TMEM181: variants seen among roughly 807,000 people sequenced by gnomAD.
TMEM181 encodes the protein transmembrane protein 181.
TMEM181 carries 39 observed loss-of-function variants against 71.9 expected under a neutral mutation model. That is an observed-to-expected ratio of 0.54 (90% CI 0.42 to 0.71). The LOEUF is 0.71. TMEM181 is among the 30% of genes least tolerant of loss of function. The probability of loss-of-function intolerance (pLI) is 0.00; values close to 1 mark genes in which losing one functional copy is unlikely to be tolerated. For synonymous variants in TMEM181, 245 were observed against 228.8 expected (o/e 1.07, Z -0.64); for missense variants, 595 against 583.0 (o/e 1.02, Z -0.21).
upstream of TMEM181, among the ~76,000 whole-genome samples, chr6:158,557,316 G>C (rs971418814): frequency 6.6e-6 from 1 of 151,534 alleles, no homozygotes; most frequent in African/African-American, 2.4e-5. Context: ...AGGCTGCAGT[G>C]AGCCGAGATT....
At chr6:158,540,433 A>C (rs1292578009) in intron 1 of TMEM181, among the ~76,000 whole-genome samples, 2 of 152,248 alleles carry the variant, frequency 1.3e-5, no homozygotes, top group Non-Finnish European at 2.9e-5. Context: ...TCCTAACAGC[A>C]CAGGTTGTAA....
upstream of TMEM181, among the ~76,000 whole-genome samples, chr6:158,555,462 G>A (rs900031134): frequency 6.6e-6 from 1 of 152,178 alleles, no homozygotes. Flanking sequence ...GCCATAAGCA[G>A]TGAGTTTTAT....
In TMEM181 at chr6:158,605,307, G is replaced by A. The variant is rs1328705321; in HGVS notation, c.533G>A (p.Trp178Ter). The change falls in exon 7 of 17, where the codon TGG becomes TAG. Residue 178 changes from tryptophan (W) to a stop codon, truncating the protein, a stop_gained. Coordinates refer to ENST00000684151, the MANE Select transcript of TMEM181 (RefSeq NM_001376852.1). LOFTEE classifies it high-confidence loss of function. ...YNPAFSRLEI[W>*]FRFFFVVLTF... Reference sequence around the variant, plus strand: ...CCTGCCTTCTCCCGGTTGGAAATCTGGTTCCGGTTTTTCTTTGTGGTGCTC... The same window carrying A: ...CCTGCCTTCTCCCGGTTGGAAATCTAGTTCCGGTTTTTCTTTGTGGTGCTC... 6.2e-7 allele frequency: 1 copy of A among 1,613,850 alleles called. No individual in the cohort carries two copies. Among genetic ancestry groups the A allele is most frequent in the African/African-American group, 1.3e-5 (1 of 74,856 alleles).
At chr6:158,586,378 C>G (rs1011527938) in intron 5 of TMEM181, among the ~76,000 whole-genome samples, 4 of 152,198 alleles carry the variant, frequency 2.6e-5, no homozygotes, top group African/African-American at 9.7e-5. Flanking sequence ...CAAGTAGTTT[C>G]TCTGCTGGGT....
At chr6:158,590,873 C>T (rs1477414333) in intron 6 of TMEM181, among the ~76,000 whole-genome samples, 1 of 152,238 alleles carries the variant, frequency 6.6e-6, no homozygotes, top group Non-Finnish European at 1.5e-5. Context: ...CCCTCCCCCA[C>T]AGTCCTTGGC....
intron 1 of TMEM181, among the ~76,000 whole-genome samples, chr6:158,541,149 C>G (rs530046570): frequency 6.6e-6 from 1 of 152,210 alleles, no homozygotes; most frequent in Admixed American, 6.5e-5. Flanking sequence ...GGTGTGGTGG[C>G]TCATGCCTGT....
rs61457107 is a variant in TMEM181 at position 158,600,458 on chromosome 6, A to ATTTTTTTTTTTTT, written c.493-4793_493-4781dup. Among the ~76,000 whole-genome samples, 20 of 91,870 alleles carry ATTTTTTTTTTTTT rather than the reference A, an allele frequency of 2.2e-4. 2 individuals carry two copies. The highest frequency in any genetic ancestry group is 4.1e-4 in the African/African-American group (10 of 24,274). The allele number at this position is 91,870 out of a possible 152,430, so 60.3% of individuals were successfully genotyped here. ...AGTCACCGTGCCTGGCCTAGGGTTA[A>ATTTTTTTTTTTTT]TTTTTTTTTTTTTTTTTTTTTTTTT... is the stretch of plus-strand genomic sequence containing the variant. On this transcript the variant is annotated intron_variant, in intron 6 of 16. Transcript: ENST00000684151.
intron 4 of TMEM181, among the ~76,000 whole-genome samples, 200 bp from the exon 5 acceptor site, chr6:158,585,104 C>G (rs890540381): frequency 6.6e-6 from 1 of 152,102 alleles, no homozygotes; most frequent in Non-Finnish European, 1.5e-5. Flanking sequence ...CATAGACCCC[C>G]TGGGTGCTGG....
chr6:158,547,369 T>TA (rs1163745621), intron 1 of TMEM181, among the ~76,000 whole-genome samples: 6 of 152,236 alleles, frequency 3.9e-5, no homozygotes, highest in African/African-American at 7.2e-5. Context: ...GCACTGGGTT[T>TA]TTTTTAAAGC....
At chr6:158,562,098 C>T (rs1032996347) in intron 1 of TMEM181, among the ~76,000 whole-genome samples, 1 of 151,896 alleles carries the variant, frequency 6.6e-6, no homozygotes, top group South Asian at 2.1e-4. Flanking sequence ...ACTCTGCTTA[C>T]GGTGTGTAGG....
chr6:158,623,594 C>T lies in TMEM181; in HGVS notation c.941C>T (p.Thr314Ile), dbSNP rs371313932. 60 of 1,581,412 alleles carry T rather than the reference C, an allele frequency of 3.8e-5. No individual in the cohort carries two copies. The highest frequency in any genetic ancestry group is 4.7e-5 in the Non-Finnish European group (55 of 1,160,932). Residue 314 changes from threonine (T) to isoleucine (I), a missense_variant, in exon 11 of 17, where the codon ACC (threonine) becomes ATC (isoleucine). By Grantham distance (89) the Thr-to-Ile change is moderately conservative (BLOSUM62 -1). Coordinates refer to ENST00000684151, the MANE Select transcript of TMEM181 (RefSeq NM_001376852.1). Reference protein sequence around the residue: ...HDPMYQYRVDTGNFQGMKVFF... With the variant: ...HDPMYQYRVDIGNFQGMKVFF... The stretch of plus-strand genomic sequence containing the variant: ...CCAATGTACCAGTATCGAGTTGATA[C>T]CGGAAATTTTCAGGTAAGGATTGTT...
rs561661314 is a variant in TMEM181, at chr6:158,568,999, C to T, written c.9-4421C>T. Among the ~76,000 whole-genome samples the T allele has an allele frequency of 9.2e-5, 14 of 152,234 alleles. No homozygotes were observed. In the South Asian group the frequency reaches 2.9e-3, roughly 32 times the overall value. On this transcript the variant is annotated intron_variant, in intron 1 of 16. Transcript: ENST00000684151. ...CTTTTTTATTTTAATTTTTTAGTGA[C>T]AGGGTCTCGCCCTGTTACCCAGGCT... is the stretch of plus-strand genomic sequence containing the variant.
chr6:158,572,504 G>T (rs1214971534), intron 1 of TMEM181: 3 of 455,816 alleles, frequency 6.6e-6, no homozygotes, highest in Non-Finnish European at 8.8e-6. Flanking sequence ...CAGGGCGGGG[G>T]CCGGCCACAC....
At chr6:158,607,448 C>T (rs1785015992) in intron 8 of TMEM181, 105 bp downstream of exon 8, 1 of 1,001,712 alleles carries the variant, frequency 1.0e-6, no homozygotes, top group Non-Finnish European at 1.5e-6. Flanking sequence ...GAGGCTGGGG[C>T]AGGAGGACTG....
At chr6:158,544,223 G>T (rs951798067) in intron 1 of TMEM181, among the ~76,000 whole-genome samples, 2 of 149,488 alleles carry the variant, frequency 1.3e-5, no homozygotes, top group African/African-American at 5.0e-5. Context: ...GTGTGTTGGG[G>T]TGAGGGAGAG....
upstream of TMEM181, among the ~76,000 whole-genome samples, chr6:158,558,034 T>C (rs1781968762): frequency 6.6e-6 from 1 of 152,108 alleles, no homozygotes; most frequent in African/African-American, 2.4e-5. Flanking sequence ...TGAAGGAGTG[T>C]TGGGAGAGGG....
At chr6:158,587,716 TGAGGTACCATCACGTGATTTTCA>T (rs1229763402) in intron 5 of TMEM181, among the ~76,000 whole-genome samples, 4 of 152,010 alleles carry the variant, frequency 2.6e-5, no homozygotes, top group Middle Eastern at 6.8e-3. Flanking sequence ...GTGGGAAAGC[TGAGGTACCATCACGTGATTTTCA>T]GAGGTACATC....
chr6:158,590,737 C>T (rs1456512429), intron 6 of TMEM181, among the ~76,000 whole-genome samples: 1 of 152,262 alleles, frequency 6.6e-6, no homozygotes, highest in Non-Finnish European at 1.5e-5. Flanking sequence ...GCTGGGATTG[C>T]AGGCGTGAGC....
chr6:158,574,954 C>T (rs557961738), intron 2 of TMEM181, among the ~76,000 whole-genome samples: 6 of 152,258 alleles, frequency 3.9e-5, no homozygotes, highest in Non-Finnish European at 5.9e-5. Context: ...AGTCCAGGTC[C>T]GAGTCTGAAA....
Sources: allele counts gnomAD v4.1 joint callset (sites outside exome capture counted in the v4.1 genomes callset), GRCh38; gene constraint gnomAD v4.1.1; transcripts MANE v1.5; gene names NCBI Gene and HGNC (gene_info 2026-07-23, HGNC 2026-07-21).